Variants in RGS6 observed in about 807,000 individuals in gnomAD.
RGS6 encodes regulator of G protein signaling 6, also known as regulator of G-protein signaling 6.
RGS6 carries 30 observed loss-of-function variants against 78.5 expected under a neutral mutation model. The observed-to-expected ratio is 0.38, with a 90% CI of 0.29 to 0.52. The LOEUF is 0.52. Ranked by LOEUF, RGS6 falls within the 20% of genes least tolerant of loss-of-function variation. The pLI is 0.85. For missense variants in RGS6, 495 were observed against 609.7 expected (o/e 0.81, Z 1.98); for synonymous variants, 206 against 206.0 (o/e 1.00, Z 0.00).
At chr14:72,315,337 T>C (rs1256040038) in intron 2 of RGS6, among the ~76,000 whole-genome samples, 1 of 152,254 alleles carries the variant, frequency 6.6e-6, no homozygotes, top group African/African-American at 2.4e-5. Context: ...GCTTCTTCCT[T>C]TTTAGCTATG....
intron 2 of RGS6, among the ~76,000 whole-genome samples, chr14:72,119,492 G>C (rs1376605655): frequency 6.6e-6 from 1 of 152,206 alleles, no homozygotes; most frequent in African/African-American, 2.4e-5. Context: ...GTTTGAGAAT[G>C]AATTTTCCAT....
At position 72,230,053 on chromosome 14, in the gene RGS6, C is replaced by T. The variant is rs1206759019; in HGVS notation, c.85-122042C>T. Reference sequence around the variant, plus strand: ...CAATGACTCAGCCTGAGCTCCTTATCATCTGATAGACTTGGAATTGGGGTA... The same window carrying T: ...CAATGACTCAGCCTGAGCTCCTTATTATCTGATAGACTTGGAATTGGGGTA... On this transcript the variant is annotated intron_variant, in intron 2 of 17. Coordinates refer to ENST00000553525, the MANE Select transcript of RGS6 (RefSeq NM_001204424.2). Among the ~76,000 whole-genome samples, 3 of 152,176 alleles carry T rather than the reference C, an allele frequency of 2.0e-5. No individual in the cohort carries two copies. In the East Asian group the frequency reaches 5.8e-4, roughly 29 times the overall value.
chr14:72,319,501 A>G (rs1248518816), intron 2 of RGS6, among the ~76,000 whole-genome samples: 1 of 151,968 alleles, frequency 6.6e-6, no homozygotes, highest in Non-Finnish European at 1.5e-5. Context: ...AGGGGCACCC[A>G]CCACCATGCC....
At chr14:72,423,113 A>G (rs979704332) in intron 3 of RGS6, among the ~76,000 whole-genome samples, 2 of 152,214 alleles carry the variant, frequency 1.3e-5, no homozygotes, top group African/African-American at 4.8e-5. Context: ...GGTAGTTTAG[A>G]AAAGGATTTG....
chr14:72,518,236 CA>C (rs2096980064), intron 14 of RGS6, 114 bp from the exon 15 acceptor site: 1 of 934,020 alleles, frequency 1.1e-6, no homozygotes, highest in South Asian at 1.7e-5. Context: ...GGCATCAGGG[CA>C]GGCTGAGAGA....
chr14:71,966,673 G>A (rs2093538323), intron 2 of RGS6, among the ~76,000 whole-genome samples: 1 of 152,164 alleles, frequency 6.6e-6, no homozygotes, highest in Non-Finnish European at 1.5e-5. Context: ...AGGTAATTGT[G>A]AAGATCACTT....
At chr14:72,270,312 C>T (rs1461335534) in intron 2 of RGS6, among the ~76,000 whole-genome samples, 1 of 152,112 alleles carries the variant, frequency 6.6e-6, no homozygotes, top group Non-Finnish European at 1.5e-5. Flanking sequence ...GACTGGATGA[C>T]AGTCAGAACA....
At chr14:72,330,274 CG>C (rs1336444916) in intron 2 of RGS6, among the ~76,000 whole-genome samples, 4 of 152,206 alleles carry the variant, frequency 2.6e-5, no homozygotes, top group Non-Finnish European at 5.9e-5. Flanking sequence ...ACACACAAGC[CG>C]GTGATATCAG....
chr14:72,187,089 A>T (rs929282659), intron 2 of RGS6, among the ~76,000 whole-genome samples: 1 of 152,268 alleles, frequency 6.6e-6, no homozygotes, highest in Non-Finnish European at 1.5e-5. Flanking sequence ...CAAAAGCTTT[A>T]AAGGGCTTAG....
chr14:72,079,625 C>A (rs971877172), intron 2 of RGS6, among the ~76,000 whole-genome samples: 1 of 152,090 alleles, frequency 6.6e-6, no homozygotes, highest in Non-Finnish European at 1.5e-5. Flanking sequence ...TGGTGTATAA[C>A]GGATCTTTTA....
At chr14:72,106,373 A>T (rs908751581) in intron 2 of RGS6, among the ~76,000 whole-genome samples, 1 of 152,190 alleles carries the variant, frequency 6.6e-6, no homozygotes, top group Admixed American at 6.5e-5. Flanking sequence ...TAAATCAGAA[A>T]CTATGGAGGT....
At chr14:72,530,945 T>A (rs575621335) in intron 15 of RGS6, among the ~76,000 whole-genome samples, 175 of 152,116 alleles carry the variant, frequency 1.2e-3, no homozygotes, top group Non-Finnish European at 2.3e-3. Context: ...AACATGTATA[T>A]TCGACTAATA....
intron 15 of RGS6, among the ~76,000 whole-genome samples, chr14:72,525,088 A>G (rs1002555390): frequency 6.6e-6 from 1 of 152,222 alleles, no homozygotes; most frequent in Non-Finnish European, 1.5e-5. Context: ...CCTGCATCAC[A>G]AAGGTAATGC....
rs1175117052 is a variant in RGS6 at position 72,430,754 on chromosome 14, A to C, written c.185-23774A>C. Among the ~76,000 whole-genome samples, 4 of 152,098 alleles carry C rather than the reference A, an allele frequency of 2.6e-5. No individual in the cohort carries two copies. In the East Asian group the frequency reaches 7.7e-4, roughly 29 times the overall value. The stretch of plus-strand genomic sequence containing the variant: ...ATGAGTAGACAGATCCTATGCAGGC[A>C]CTTTCTTTGTGATCTTCAGGATCAT... On this transcript the variant is annotated intron_variant, in intron 3 of 17. Transcript: ENST00000553525.
At chr14:72,293,206 C>T (rs1313698161) in intron 2 of RGS6, among the ~76,000 whole-genome samples, 1 of 152,158 alleles carries the variant, frequency 6.6e-6, no homozygotes, top group Non-Finnish European at 1.5e-5. Flanking sequence ...CAGAACCTCC[C>T]ATCTGTCTAT....
intron 2 of RGS6, among the ~76,000 whole-genome samples, chr14:72,236,654 G>A (rs908903934): frequency 1.3e-5 from 2 of 152,274 alleles, no homozygotes; most frequent in East Asian, 1.9e-4. Context: ...GGGCAGAGGC[G>A]CTCCTCACAT....
chr14:72,133,690 G>T (rs2096377249), intron 2 of RGS6, among the ~76,000 whole-genome samples: 1 of 152,096 alleles, frequency 6.6e-6, no homozygotes, highest in East Asian at 1.9e-4. Context: ...GGATATAATT[G>T]TGACTGCCTC....
In RGS6 at chr14:72,383,213, T is replaced by TATATATATATATATATAC. The variant is rs1387301746; in HGVS notation, c.184+31020_184+31021insTATATATATATATATACA. 3.2e-4 allele frequency among the ~76,000 whole-genome samples: 38 copies of TATATATATATATATATAC among 118,330 alleles called. 1 individual carries two copies. The highest frequency in any genetic ancestry group is 6.0e-4 in the South Asian group (2 of 3,352). 77.6% of individuals were successfully genotyped at this position (118,330 alleles called of 152,430 possible). A position where few individuals can be genotyped will look rare whatever the true frequency, so the allele number is the denominator to read the frequency against. On this transcript the variant is annotated intron_variant, in intron 3 of 17. Coordinates refer to ENST00000553525, the MANE Select transcript of RGS6 (RefSeq NM_001204424.2). ...ATATATATATATATATATATATATATACACACAAACACACTAGTATGTGTG... is the reference window on the plus strand; with the variant it reads ...ATATATATATATATATATATATATATATATATATATATATATACACACACAAACACACTAGTATGTGTG...
At chr14:71,942,086 C>T (rs191273527) in intron 1 of RGS6, among the ~76,000 whole-genome samples, 1 of 151,978 alleles carries the variant, frequency 6.6e-6, no homozygotes, top group Non-Finnish European at 1.5e-5. Context: ...GTAGTCAAGA[C>T]AAAAGAATAA....
Sources: allele counts gnomAD v4.1 joint callset (sites outside exome capture counted in the v4.1 genomes callset), GRCh38; gene constraint gnomAD v4.1.1; transcripts MANE v1.5; gene names NCBI Gene and HGNC (gene_info 2026-07-23, HGNC 2026-07-21).